The following NCOA1 variants were observed in gnomAD, a reference collection of about 807,000 sequenced individuals.
NCOA1 encodes the protein Hin-2 protein.
In NCOA1, 35 loss-of-function variants were observed where a neutral mutation model predicts 150.9. The observed-to-expected ratio is 0.23, with a 90% CI of 0.18 to 0.31. The LOEUF (loss-of-function observed/expected upper bound fraction) is 0.31, where lower values mean the gene tolerates loss of function less well. Ranked by LOEUF, NCOA1 falls within the 10% of genes least tolerant of loss-of-function variation. The pLI is 1.00. For synonymous variants in NCOA1, 590 were observed against 630.0 expected (o/e 0.94, Z 0.95); for missense variants, 1,491 against 1,749.3 (o/e 0.85, Z 2.63).
chr2:24,742,455 T>C (rs55816508), intron 19 of NCOA1, among the ~76,000 whole-genome samples: 1,766 of 148,544 alleles, frequency 0.012, 22 homozygotes, highest in East Asian at 0.056. Context: ...ACGTTCCCCC[T>C]TTTTTTTTTC....
At position 24,626,147 on chromosome 2, in the gene NCOA1, A is replaced by G. The variant is rs942220309; in HGVS notation, c.-174-17819A>G. On this transcript the variant is annotated intron_variant, in intron 3 of 22. Transcript: ENST00000348332. ...CAGTGTGTATGTTTTTCTCTATTTA[A>G]TTTAGTCACTTTCCTCATGTATATT... 2.6e-5 allele frequency among the ~76,000 whole-genome samples: 4 copies of G among 152,136 alleles called. No individual in the cohort carries two copies. The South Asian group carries it at 8.3e-4, about 32-fold the overall frequency.
At chr2:24,690,810 T>C (rs538739110) in intron 8 of NCOA1, among the ~76,000 whole-genome samples, 2 of 152,302 alleles carry the variant, frequency 1.3e-5, no homozygotes, top group Admixed American at 6.5e-5. Flanking sequence ...GAATTCATTT[T>C]TCCTATACTG....
At chr2:24,644,233 T>C (rs948332109) in intron 4 of NCOA1, 111 bp downstream of exon 4, 2 of 152,214 alleles carry the variant, frequency 1.3e-5, no homozygotes, top group African/African-American at 4.8e-5. Context: ...TGATCTGGGT[T>C]GCTTCAAGGT....
At chr2:24,605,932 G>A (rs181070163) in intron 3 of NCOA1, among the ~76,000 whole-genome samples, 2 of 152,080 alleles carry the variant, frequency 1.3e-5, no homozygotes, top group Admixed American at 6.6e-5. Flanking sequence ...TACTGTGCTG[G>A]CTAGACTTGT....
chr2:24,635,138 A>G (rs1669883418), intron 3 of NCOA1, among the ~76,000 whole-genome samples: 1 of 152,050 alleles, frequency 6.6e-6, no homozygotes, highest in African/African-American at 2.4e-5. Context: ...ATAATAACAA[A>G]CATCAGATGA....
intron 14 of NCOA1, among the ~76,000 whole-genome samples, chr2:24,715,938 C>T (rs1044604454): frequency 6.6e-6 from 1 of 151,974 alleles, no homozygotes; most frequent in Non-Finnish European, 1.5e-5. Flanking sequence ...GTCAGGAGAT[C>T]GAGACCATCC....
intron 1 of NCOA1, among the ~76,000 whole-genome samples, chr2:24,527,405 T>G (rs1019875041): frequency 6.6e-6 from 1 of 152,170 alleles, no homozygotes; most frequent in African/African-American, 2.4e-5. Context: ...TGAGGTCATA[T>G]AATCTTCTTA....
intron 1 of NCOA1, among the ~76,000 whole-genome samples, chr2:24,508,275 G>A (rs1663788438): frequency 6.6e-6 from 1 of 151,918 alleles, no homozygotes; most frequent in Non-Finnish European, 1.5e-5. Flanking sequence ...GAAGGAAAAG[G>A]GGGGCTTATT....
rs1054129499 is a variant in NCOA1 at position 24,702,958 on chromosome 2, G to A, written c.950-2128G>A. Among the ~76,000 whole-genome samples the A allele has an allele frequency of 7.2e-5, 11 of 152,288 alleles. No homozygotes were observed. The South Asian group carries it at 1.7e-3, about 23-fold the overall frequency. On this transcript the variant is annotated intron_variant, in intron 11 of 22. Coordinates refer to ENST00000348332, the MANE Select transcript of NCOA1 (RefSeq NM_003743.5). The stretch of plus-strand genomic sequence containing the variant: ...GTGATTGTTATTCAGAGTTGAAGCT[G>A]TTGCCATAAATAGTGTCTAGGGATT...
chr2:24,760,306 A>ATTTTTTTTTTTTTTT (rs70947842), intron 21 of NCOA1, among the ~76,000 whole-genome samples: 1 of 99,740 alleles, frequency 1.0e-5, no homozygotes, highest in Non-Finnish European at 1.9e-5. Flanking sequence ...TGCCCGGCTA[A>ATTTTTTTTTTTTTTT]TTTTTTTTTT....
At chr2:24,694,315 A>G (rs960647137) in intron 10 of NCOA1, among the ~76,000 whole-genome samples, 2 of 152,208 alleles carry the variant, frequency 1.3e-5, no homozygotes, top group African/African-American at 4.8e-5. Flanking sequence ...CCAGAGTTAC[A>G]TATATATCAC....
chr2:24,580,316 G>C (rs1483517348), intron 2 of NCOA1, among the ~76,000 whole-genome samples: 2 of 152,048 alleles, frequency 1.3e-5, no homozygotes, highest in African/African-American at 4.8e-5. Context: ...TTTTTTCTTA[G>C]AGCACTTTTT....
intron 1 of NCOA1, among the ~76,000 whole-genome samples, chr2:24,517,702 A>G (rs141610940): frequency 5.3e-5 from 8 of 152,366 alleles, no homozygotes; most frequent in African/African-American, 1.4e-4. Flanking sequence ...TGAAGTGCTT[A>G]TCATTGAACG....
At chr2:24,608,659 A>C (rs1237046898) in intron 3 of NCOA1, among the ~76,000 whole-genome samples, 1 of 142,016 alleles carries the variant, frequency 7.0e-6, no homozygotes, top group African/African-American at 2.7e-5. Flanking sequence ...CCTTATTTAG[A>C]TTTCAACAGG....
At chr2:24,519,173 A>C (rs768048431) in intron 1 of NCOA1, among the ~76,000 whole-genome samples, 2 of 152,206 alleles carry the variant, frequency 1.3e-5, no homozygotes, top group Non-Finnish European at 2.9e-5. Flanking sequence ...ATTCATTCAC[A>C]TATGTGATAA....
At chr2:24,757,678 A>G (rs553268897) in intron 20 of NCOA1, among the ~76,000 whole-genome samples, 2 of 149,930 alleles carry the variant, frequency 1.3e-5, no homozygotes, top group Non-Finnish European at 2.9e-5. Context: ...TCAGTTACCT[A>G]GAAGATTTAC....
Position 24,707,225 on chromosome 2 carries a change from C to T in NCOA1, c.1755C>T (p.Asn585=). 6.2e-7 allele frequency: 1 copy of T among 1,614,156 alleles called. No individual in the cohort carries two copies. Among genetic ancestry groups the T allele is most frequent in the Non-Finnish European group, 8.5e-7 (1 of 1,180,004 alleles). ...IQPAKAESKD[N]KEIASILNEM... ...CAGCAAAAGCTGAGTCCAAAGATAA[C>T]AAAGAGATTGCCTCAATTTTAAATG... Residue 585 remains asparagine (N), a synonymous_variant, in exon 13 of 23, where the codon AAC becomes AAT. Coordinates refer to ENST00000348332, the MANE Select transcript of NCOA1 (RefSeq NM_003743.5).
At chr2:24,527,963 G>A (rs919722755) in intron 1 of NCOA1, among the ~76,000 whole-genome samples, 17 of 151,956 alleles carry the variant, frequency 1.1e-4, no homozygotes, top group East Asian at 9.6e-4. Flanking sequence ...TTTTTATGTC[G>A]TCTTTGGAGA....
At chr2:24,766,486 A>G (rs1208010715) in intron 22 of NCOA1, among the ~76,000 whole-genome samples, 3 of 152,186 alleles carry the variant, frequency 2.0e-5, no homozygotes, top group Non-Finnish European at 2.9e-5. Context: ...TGTATTTACC[A>G]GACGGCAGCT....
Sources: gnomAD v4.1 joint callset for allele counts (sites outside exome capture counted in the v4.1 genomes callset) on GRCh38, gnomAD v4.1.1 for gene constraint, MANE v1.5 for transcripts, NCBI Gene and HGNC (gene_info 2026-07-23, HGNC 2026-07-21) for gene names.